MAST4: variants seen among roughly 807,000 people sequenced by gnomAD.
MAST4 encodes microtubule-associated serine/threonine-protein kinase 4.
Under a neutral mutation model 162.7 loss-of-function variants are expected in MAST4, and 89 were observed. The ratio of observed to expected loss-of-function variants is 0.55; its 90% CI spans 0.46 to 0.65. The LOEUF (loss-of-function observed/expected upper bound fraction) is 0.65, where lower values mean the gene tolerates loss of function less well. MAST4 is among the 30% of genes least tolerant of loss of function. The pLI is 0.00. For missense variants in MAST4, 3,153 were observed against 3,374.0 expected (o/e 0.93, Z 1.62); for synonymous variants, 1,479 against 1,361.1 (o/e 1.09, Z -1.91).
chr5:66,736,982 A>G (rs908276493), intron 1 of MAST4, among the ~76,000 whole-genome samples: 29 of 152,214 alleles, frequency 1.9e-4, no homozygotes, highest in Admixed American at 5.2e-4. Flanking sequence ...TAAAGTCACT[A>G]TGAACACATA....
rs754625601 is a variant in MAST4, at chr5:67,110,150, G to A, written c.1409G>A (p.Arg470Gln). ...GELAFIKQLV[R>Q]KILIVIARPA... ...TTGGCATTTATTAAACAACTAGTTC[G>A]AAAGATCCTAATTGTTATTGCCCGC... Residue 470 changes from arginine to glutamine, a missense_variant, in exon 11 of 29, where the codon CGA becomes CAA. By Grantham distance (43) the Arg-to-Gln change is conservative. This residue lies in a region of MAST4 where 360 missense variants were observed against 450.0 expected (regional missense o/e 0.80). Transcript: ENST00000403625. The A allele has an allele frequency of 5.6e-6, 9 of 1,613,682 alleles. No homozygotes were observed. The highest frequency in any genetic ancestry group is 3.3e-5 in the South Asian group (3 of 91,064).
At chr5:66,982,896 A>C (rs1263907873) in intron 4 of MAST4, among the ~76,000 whole-genome samples, 2 of 152,214 alleles carry the variant, frequency 1.3e-5, no homozygotes, top group Non-Finnish European at 2.9e-5. Flanking sequence ...ACACAACTAT[A>C]CAGGGTTCAT....
chr5:66,669,124 G>A (rs1747450393), intron 1 of MAST4, among the ~76,000 whole-genome samples: 2 of 152,186 alleles, frequency 1.3e-5, no homozygotes, highest in Admixed American at 6.5e-5. Context: ...TGTAAAATCA[G>A]CATGAGAATT....
rs530189852 is a variant in MAST4 at position 66,751,277 on chromosome 5, C to A, written c.364-8432C>A. On this transcript the variant is annotated intron_variant, in intron 1 of 28. Coordinates refer to ENST00000403625, the MANE Select transcript of MAST4 (RefSeq NM_001164664.2). ...AAGGAATGCAGTTCCTCACCAGCAA[C>A]GGAACAAAGCTGGATGGAGAATGAC... Among the ~76,000 whole-genome samples, 6 of 151,654 alleles carry A rather than the reference C, an allele frequency of 4.0e-5. No individual in the cohort carries two copies. In the East Asian group the frequency reaches 1.2e-3, roughly 29 times the overall value.
chr5:66,872,405 G>T (rs2149877023), intron 3 of MAST4, among the ~76,000 whole-genome samples: 1 of 152,168 alleles, frequency 6.6e-6, no homozygotes. Context: ...CCTGACCTCA[G>T]GTGATCCACC....
intron 1 of MAST4, among the ~76,000 whole-genome samples, chr5:66,640,627 G>A (rs1036762875): frequency 6.6e-6 from 1 of 152,122 alleles, no homozygotes; most frequent in African/African-American, 2.4e-5. Flanking sequence ...TTATCCAGTC[G>A]TCAGTTGATG....
chr5:67,060,217 G>A (rs780617571), intron 5 of MAST4, among the ~76,000 whole-genome samples: 2 of 152,144 alleles, frequency 1.3e-5, no homozygotes, highest in African/African-American at 4.8e-5. Context: ...CTCACCTTGC[G>A]CTTCAGCTAT....
At position 67,145,358 on chromosome 5, in the gene MAST4, A is replaced by G. The variant is rs993026322; in HGVS notation, c.3073A>G (p.Ile1025Val). ...TGAGGTCACCACCCCAGCCAGCACC[A>G]TCAGCAGCTCCACCCTGTCAGGTAA... ...EPEVTTPASTISSSTLSVGSF... is the reference protein window; with the variant it reads ...EPEVTTPASTVSSSTLSVGSF... The change falls in exon 23 of 29, where the codon ATC (isoleucine) becomes GTC (valine). Residue 1025 changes from isoleucine (I) to valine (V), a missense_variant. By Grantham distance (29) the Ile-to-Val change is conservative (BLOSUM62 3). Around this residue, in one of 7 missense-constraint regions of MAST4, gnomAD observed 619 missense variants for 744.2 expected, o/e 0.83. Coordinates refer to ENST00000403625, the MANE Select transcript of MAST4 (RefSeq NM_001164664.2). The G allele has an allele frequency of 3.1e-6, 5 of 1,612,924 alleles. No individual in the cohort carries two copies. Among genetic ancestry groups the G allele is most frequent in the East Asian group, 2.2e-5 (1 of 44,890 alleles).
intron 1 of MAST4, among the ~76,000 whole-genome samples, chr5:66,701,361 T>C (rs929314008): frequency 6.6e-6 from 1 of 152,226 alleles, no homozygotes; most frequent in Non-Finnish European, 1.5e-5. Flanking sequence ...TTCTCTGTTG[T>C]TCTGCCTGGT....
At chr5:66,635,582 A>G (rs1056259917) in intron 1 of MAST4, among the ~76,000 whole-genome samples, 1 of 152,216 alleles carries the variant, frequency 6.6e-6, no homozygotes, top group African/African-American at 2.4e-5. Flanking sequence ...CATCAAAACA[A>G]ACTGTGTTTG....
chr5:67,060,952 G>A (rs1759498922), intron 5 of MAST4, among the ~76,000 whole-genome samples: 1 of 152,138 alleles, frequency 6.6e-6, no homozygotes, highest in Non-Finnish European at 1.5e-5. Context: ...TTTTAAGAGA[G>A]TTTATAGGCT....
intron 14 of MAST4, among the ~76,000 whole-genome samples, chr5:67,128,280 A>T (rs1298988221): frequency 2.0e-5 from 3 of 151,936 alleles, no homozygotes; most frequent in Non-Finnish European, 4.4e-5. Flanking sequence ...AAATGGTGGG[A>T]GCCCAAGGCT....
At chr5:66,805,102 C>T (rs1474579929) in intron 3 of MAST4, among the ~76,000 whole-genome samples, 2 of 152,080 alleles carry the variant, frequency 1.3e-5, no homozygotes, top group Non-Finnish European at 2.9e-5. Flanking sequence ...ATATTTTCTT[C>T]TCATATCTTT....
intron 24 of MAST4, among the ~76,000 whole-genome samples, chr5:67,151,687 G>A (rs1771826438): frequency 6.7e-6 from 1 of 148,202 alleles, no homozygotes; most frequent in Non-Finnish European, 1.5e-5. Context: ...CCACAGTAAT[G>A]TTATTCATTT....
intron 27 of MAST4, among the ~76,000 whole-genome samples, chr5:67,160,802 A>G (rs1481793578): frequency 6.6e-6 from 1 of 152,248 alleles, no homozygotes; most frequent in Non-Finnish European, 1.5e-5. Context: ...TTGTGGAAGG[A>G]TTCAGATTGT....
intron 1 of MAST4, among the ~76,000 whole-genome samples, chr5:66,739,034 G>A (rs1273155287): frequency 1.3e-5 from 2 of 151,518 alleles, no homozygotes; most frequent in Non-Finnish European, 2.9e-5. Flanking sequence ...TGCTTAATTA[G>A]CTACCGTGAT....
At chr5:66,814,328 C>G (rs1033622617) in intron 3 of MAST4, among the ~76,000 whole-genome samples, 3 of 152,108 alleles carry the variant, frequency 2.0e-5, no homozygotes, top group South Asian at 4.1e-4. Flanking sequence ...GGGAGGTGAT[C>G]ACTTTCATTA....
intron 14 of MAST4, among the ~76,000 whole-genome samples, chr5:67,128,936 A>G (rs984549817): frequency 4.6e-5 from 7 of 152,222 alleles, no homozygotes; most frequent in African/African-American, 1.4e-4. Context: ...CTTGTGAGAA[A>G]GGAGCCCATC....
At chr5:67,081,093 ATATAATTGTATATATTATATAT>A (rs1762601788) in intron 5 of MAST4, among the ~76,000 whole-genome samples, 1 of 96,482 alleles carries the variant, frequency 1.0e-5, no homozygotes, top group Non-Finnish European at 1.9e-5. Flanking sequence ...ATTATATAAT[ATATAATTGTATATATTATATAT>A]TTTTTTTTAA....
Sources: allele counts gnomAD v4.1 joint callset (sites outside exome capture counted in the v4.1 genomes callset), GRCh38; gene constraint gnomAD v4.1.1; regional missense constraint gnomAD v4.1.1; transcripts MANE v1.5; gene names NCBI Gene and HGNC (gene_info 2026-07-23, HGNC 2026-07-21).